Variants in DAB1 observed in about 807,000 individuals in gnomAD.
DAB1 encodes disabled homolog 1.
In DAB1, 15 loss-of-function variants were observed where a neutral mutation model predicts 64.6. The ratio of observed to expected loss-of-function variants is 0.23; its 90% CI spans 0.16 to 0.36. The LOEUF (loss-of-function observed/expected upper bound fraction) is 0.36. Among genes scored for constraint, DAB1 ranks in the 10% least tolerant of loss-of-function variants. DAB1 has a pLI of 1.00. For missense variants in DAB1, 596 were observed against 706.7 expected (o/e 0.84, Z 1.78); for synonymous variants, 235 against 251.9 (o/e 0.93, Z 0.64).
chr1:57,451,803 T>C (rs1218640099), intron 7 of DAB1, among the ~76,000 whole-genome samples: 11 of 152,128 alleles, frequency 7.2e-5, no homozygotes, highest in Non-Finnish European at 1.6e-4. Flanking sequence ...AAAATCCTTG[T>C]AGGGGGAGTG....
At chr1:57,676,083 G>T (rs1646563233) in intron 6 of DAB1, among the ~76,000 whole-genome samples, 1 of 152,174 alleles carries the variant, frequency 6.6e-6, no homozygotes, top group Non-Finnish European at 1.5e-5. Context: ...TTTAAGGAAT[G>T]AAGTGGAGCT....
At chr1:57,290,474 A>T (rs920042747) in intron 2 of DAB1, among the ~76,000 whole-genome samples, 2 of 152,186 alleles carry the variant, frequency 1.3e-5, no homozygotes, top group Admixed American at 1.3e-4. Flanking sequence ...GTCCAGCCGG[A>T]GTTTGACAAC....
At chr1:58,053,162 G>A (rs769309648) in intron 5 of DAB1, among the ~76,000 whole-genome samples, 4 of 152,138 alleles carry the variant, frequency 2.6e-5, no homozygotes, top group Non-Finnish European at 2.9e-5. Context: ...TTCTAAAGCC[G>A]CTTTCACATA....
At chr1:57,993,347 G>A (rs111488620) in intron 5 of DAB1, among the ~76,000 whole-genome samples, 4 of 152,238 alleles carry the variant, frequency 2.6e-5, no homozygotes, top group African/African-American at 7.2e-5. Context: ...GGAACCCACC[G>A]GAGTCTTTCC....
At chr1:57,858,363 T>C (rs1653854668) in intron 1 of DAB1, among the ~76,000 whole-genome samples, 1 of 152,122 alleles carries the variant, frequency 6.6e-6, no homozygotes. Flanking sequence ...CCTCCCTTAA[T>C]GGCAGGGAAA....
chr1:57,652,036 G>T (rs981860402), intron 6 of DAB1, among the ~76,000 whole-genome samples: 2 of 152,086 alleles, frequency 1.3e-5, no homozygotes, highest in Non-Finnish European at 2.9e-5. Context: ...AACCACCTTT[G>T]TAAAGCTAAT....
intron 1 of DAB1, among the ~76,000 whole-genome samples, chr1:57,351,273 A>G (rs900324373): frequency 1.3e-5 from 2 of 152,030 alleles, no homozygotes; most frequent in Non-Finnish European, 2.9e-5. Context: ...AAATAAATCT[A>G]CCACATTTCA....
rs756730844 is a variant in DAB1 at position 57,071,560 on chromosome 1, C to T, written c.520G>A (p.Ala174Thr). ...TGTTCACACTGCTTATCCTTTTGTGCCTTTTTTTCTAATTCTTCTCTTTGC... is the reference window on the plus strand; with the variant it reads ...TGTTCACACTGCTTATCCTTTTGTGTCTTTTTTTCTAATTCTTCTCTTTGC... ...LKQREELEKK[A>T]QKDKQCEQAV... The change falls in exon 6 of 15, where the codon GCA becomes ACA. Residue 174 changes from alanine to threonine, a missense_variant. By Grantham distance (58) the Ala-to-Thr change is moderately conservative. This residue lies in a region of DAB1 where 176 missense variants were observed against 266.7 expected (regional missense o/e 0.66). Transcript: ENST00000371236. The T allele has an allele frequency of 3.1e-6, 5 of 1,613,704 alleles. No homozygotes were observed.
At chr1:57,577,011 T>C (rs560694426) in intron 7 of DAB1, among the ~76,000 whole-genome samples, 1 of 152,310 alleles carries the variant, frequency 6.6e-6, no homozygotes, top group Non-Finnish European at 1.5e-5. Context: ...GTAAACAAGA[T>C]TGCAGCTAGC....
chr1:57,303,314 G>A (rs1673830873), intron 1 of DAB1, among the ~76,000 whole-genome samples: 1 of 152,112 alleles, frequency 6.6e-6, no homozygotes. Context: ...CCGTCACATG[G>A]CAAAGGAGTT....
chr1:58,052,077 T>C (rs927880726), intron 5 of DAB1, among the ~76,000 whole-genome samples: 4 of 152,244 alleles, frequency 2.6e-5, no homozygotes, highest in African/African-American at 9.6e-5. Context: ...TTTTGGCTTT[T>C]GTTGCCATTA....
In DAB1 at chr1:57,291,104, G is replaced by C; in HGVS notation, c.-74C>G. 1 of 923,474 alleles carries C rather than the reference G, an allele frequency of 1.1e-6. No individual in the cohort carries two copies. Among genetic ancestry groups the C allele is most frequent in the Admixed American group, 2.3e-5 (1 of 43,328 alleles). 57.2% of individuals were successfully genotyped at this position (923,474 alleles called of 1,614,324 possible). On this transcript the variant is annotated 5_prime_UTR_variant, in exon 2 of 15. Coordinates refer to ENST00000371236, the MANE Select transcript of DAB1 (RefSeq NM_001365792.1). Reference sequence around the variant, plus strand: ...GCTCATTGAGGACTCTTCTCCAAGAGAAAGACTCCTCCCTTCAGAAATGAC... The same window carrying C: ...GCTCATTGAGGACTCTTCTCCAAGACAAAGACTCCTCCCTTCAGAAATGAC...
intron 3 of DAB1, among the ~76,000 whole-genome samples, chr1:58,497,738 T>G (rs1261368901): frequency 6.6e-6 from 1 of 152,180 alleles, no homozygotes; most frequent in East Asian, 1.9e-4. Flanking sequence ...GAAACTCTTA[T>G]CAACAAAGAA....
intron 6 of DAB1, among the ~76,000 whole-genome samples, chr1:57,707,325 C>T (rs1025566606): frequency 2.7e-5 from 4 of 150,798 alleles, no homozygotes; most frequent in African/African-American, 9.8e-5. Flanking sequence ...GATCCATTCA[C>T]ATTATTGTGT....
chr1:57,232,305 T>TTTTTTG (rs1491306920), intron 2 of DAB1, among the ~76,000 whole-genome samples: 2 of 146,490 alleles, frequency 1.4e-5, no homozygotes, highest in African/African-American at 5.3e-5. Flanking sequence ...TTTTTTTTTT[T>TTTTTTG]GCACGAACCT....
At chr1:57,729,905 T>TA (rs1326179791) in intron 6 of DAB1, among the ~76,000 whole-genome samples, 145 of 152,168 alleles carry the variant, frequency 9.5e-4, no homozygotes, top group Middle Eastern at 6.8e-3. Flanking sequence ...TAAAATAAAA[T>TA]AAAATAAAAT....
chr1:58,064,171 G>A (rs771329321), intron 5 of DAB1, among the ~76,000 whole-genome samples: 28 of 152,094 alleles, frequency 1.8e-4, no homozygotes, highest in Non-Finnish European at 3.5e-4. Context: ...AGAACCACGG[G>A]GCCTCGTAGC....
chr1:58,252,432 C>T (rs973746828), intron 4 of DAB1, among the ~76,000 whole-genome samples: 10 of 152,158 alleles, frequency 6.6e-5, no homozygotes, highest in African/African-American at 2.4e-4. Context: ...AGGACATCAT[C>T]ATATAAAGCA....
chr1:57,129,703 C>T (rs749622041), intron 4 of DAB1, among the ~76,000 whole-genome samples: 5 of 152,038 alleles, frequency 3.3e-5, no homozygotes, highest in Non-Finnish European at 5.9e-5. Flanking sequence ...TCTCTTCATT[C>T]GCAAATGTGT....
Sources: allele counts gnomAD v4.1 joint callset (sites outside exome capture counted in the v4.1 genomes callset), GRCh38; gene constraint gnomAD v4.1.1; regional missense constraint gnomAD v4.1.1; transcripts MANE v1.5; gene names NCBI Gene and HGNC (gene_info 2026-07-23, HGNC 2026-07-21).